The following NOL4 variants were observed in gnomAD, a reference collection of about 807,000 sequenced individuals.
NOL4 encodes the protein nucleolar protein 4.
In NOL4, 17 loss-of-function variants were observed where a neutral mutation model predicts 75.9. The observed-to-expected ratio is 0.22, with a 90% CI of 0.15 to 0.34. The LOEUF is 0.34. Among genes scored for constraint, NOL4 ranks in the 10% least tolerant of loss-of-function variants. The pLI is 1.00. For missense variants in NOL4, 614 were observed against 793.5 expected, an observed-to-expected ratio of 0.77 and a Z score of 2.72; for synonymous variants, 292 against 289.9, an observed-to-expected ratio of 1.01 and a Z score of -0.07.
At position 33,996,445 on chromosome 18, in the gene NOL4, T is replaced by A. The variant is rs149009162; in HGVS notation, c.1056+22873A>T. Among the ~76,000 whole-genome samples, 476 of 151,996 alleles carry A rather than the reference T, an allele frequency of 3.1e-3. 4 individuals are homozygous for A. Among genetic ancestry groups the A allele is most frequent in the Middle Eastern group, 0.014 (4 of 294 alleles). Reference sequence around the variant, plus strand: ...ATTTTTTTTCAAATTTATTTTATAATCAGGGATTACATATGCAGGTTTGTT... The same window carrying A: ...ATTTTTTTTCAAATTTATTTTATAAACAGGGATTACATATGCAGGTTTGTT... On this transcript the variant is annotated intron_variant, in intron 6 of 10. Coordinates refer to ENST00000261592, the MANE Select transcript of NOL4 (RefSeq NM_003787.5).
chr18:34,107,960 G>A (rs2079388993), intron 2 of NOL4, among the ~76,000 whole-genome samples: 1 of 152,138 alleles, frequency 6.6e-6, no homozygotes, highest in Non-Finnish European at 1.5e-5. Context: ...CATTATATAT[G>A]TCAACTCTCC....
chr18:34,213,186 G>A (rs893991458), intron 1 of NOL4, among the ~76,000 whole-genome samples: 3 of 152,180 alleles, frequency 2.0e-5, no homozygotes, highest in East Asian at 1.9e-4. Flanking sequence ...TGTGTTCCCC[G>A]AAGTTCCTGT....
intron 5 of NOL4, among the ~76,000 whole-genome samples, chr18:34,063,456 G>T (rs2077145573): frequency 6.6e-6 from 1 of 151,936 alleles, no homozygotes; most frequent in Admixed American, 6.6e-5. Context: ...ATATGTTTTA[G>T]GGACTATAAT....
At chr18:34,152,606 G>A (rs2081697448) in intron 1 of NOL4, among the ~76,000 whole-genome samples, 1 of 151,842 alleles carries the variant, frequency 6.6e-6, no homozygotes, top group South Asian at 2.1e-4. Flanking sequence ...CAGCCAGAAA[G>A]ATGAGACAGA....
intron 8 of NOL4, among the ~76,000 whole-genome samples, chr18:33,947,230 G>A (rs1443848497): frequency 3.3e-5 from 5 of 151,666 alleles, no homozygotes; most frequent in African/African-American, 9.7e-5. Flanking sequence ...TGTTTAGTAC[G>A]TGCTCTGAGA....
At chr18:34,039,217 T>G (rs995257265) in intron 5 of NOL4, among the ~76,000 whole-genome samples, 27 of 151,938 alleles carry the variant, frequency 1.8e-4, no homozygotes, top group Admixed American at 4.6e-4. Context: ...TTTTAAGTGG[T>G]TACATTGGGG....
At chr18:34,098,092 A>C (rs1263631060) in intron 4 of NOL4, among the ~76,000 whole-genome samples, 1 of 152,170 alleles carries the variant, frequency 6.6e-6, no homozygotes, top group African/African-American at 2.4e-5. Flanking sequence ...ATAATTTCCA[A>C]AGATGGCTAC....
At chr18:34,046,011 T>C (rs2076347420) in intron 5 of NOL4, among the ~76,000 whole-genome samples, 1 of 152,170 alleles carries the variant, frequency 6.6e-6, no homozygotes. Flanking sequence ...TATATATTAA[T>C]GTTTCATGTG....
chr18:33,854,834 G>T (rs866937703), intron 10 of NOL4, among the ~76,000 whole-genome samples: 18 of 151,862 alleles, frequency 1.2e-4, no homozygotes, highest in African/African-American at 4.1e-4. Flanking sequence ...AAGGGTTGAG[G>T]CTAGGGCTCC....
chr18:34,134,677 A>G (rs1432301965), intron 1 of NOL4, among the ~76,000 whole-genome samples: 5 of 152,190 alleles, frequency 3.3e-5, no homozygotes, highest in African/African-American at 1.2e-4. Flanking sequence ...ACACTCTACA[A>G]AACAGTAACA....
At chr18:33,914,861 G>A (rs1449903121) in intron 9 of NOL4, among the ~76,000 whole-genome samples, 4 of 152,110 alleles carry the variant, frequency 2.6e-5, no homozygotes, top group Non-Finnish European at 4.4e-5. Flanking sequence ...TACATGCTGA[G>A]GAAGTGGTTG....
At chr18:34,124,036 GA>G (rs1214080889) in intron 2 of NOL4, among the ~76,000 whole-genome samples, 3 of 152,032 alleles carry the variant, frequency 2.0e-5, no homozygotes, top group African/African-American at 7.2e-5. Context: ...ATCTCTGTTA[GA>G]CATCCAGAAC....
chr18:34,052,223 T>C (rs2076651661), intron 5 of NOL4, among the ~76,000 whole-genome samples: 1 of 152,056 alleles, frequency 6.6e-6, no homozygotes, highest in African/African-American at 2.4e-5. Context: ...AGGTTTACAA[T>C]GCTCAAAAAT....
intron 1 of NOL4, among the ~76,000 whole-genome samples, chr18:34,143,948 T>C (rs945781151): frequency 1.3e-5 from 2 of 152,010 alleles, no homozygotes; most frequent in African/African-American, 2.4e-5. Context: ...TCCTGACTTA[T>C]GTCATTTGCT....
chr18:34,124,986 T>G (rs540620570), intron 2 of NOL4, among the ~76,000 whole-genome samples: 10 of 152,218 alleles, frequency 6.6e-5, no homozygotes, highest in Non-Finnish European at 1.3e-4. Flanking sequence ...CACATTTTCT[T>G]TCTATCTCAC....
chr18:34,105,712 A>G (rs1046473265), intron 2 of NOL4, among the ~76,000 whole-genome samples: 2 of 152,012 alleles, frequency 1.3e-5, no homozygotes, highest in African/African-American at 4.8e-5. Flanking sequence ...ACAGAAAATG[A>G]CACATCTGGA....
intron 5 of NOL4, among the ~76,000 whole-genome samples, chr18:34,047,198 GCT>G (rs2076418582): frequency 6.6e-6 from 1 of 152,076 alleles, no homozygotes; most frequent in South Asian, 2.1e-4. Context: ...TGTGATCTGT[GCT>G]CTGTTTTTGC....
chr18:34,158,713 G>A (rs532480808), intron 1 of NOL4: 14 of 152,216 alleles, frequency 9.2e-5, no homozygotes, highest in African/African-American at 3.4e-4. Flanking sequence ...GAAAACTAGG[G>A]ATTCTACATA....
intron 9 of NOL4, among the ~76,000 whole-genome samples, chr18:33,903,891 C>T (rs936098704): frequency 6.6e-6 from 1 of 152,160 alleles, no homozygotes; most frequent in Non-Finnish European, 1.5e-5. Flanking sequence ...ATCAACCACC[C>T]TCCCTCTATG....
Sources: allele counts gnomAD v4.1 joint callset (sites outside exome capture counted in the v4.1 genomes callset), GRCh38; gene constraint gnomAD v4.1.1; transcripts MANE v1.5; gene names NCBI Gene and HGNC (gene_info 2026-07-23, HGNC 2026-07-21).